Variants in DYNC1LI1 observed in about 807,000 individuals in gnomAD.
DYNC1LI1 encodes the protein cytoplasmic dynein 1 light intermediate chain 1.
Under a neutral mutation model 63.8 loss-of-function variants are expected in DYNC1LI1, and 19 were observed. The ratio of observed to expected loss-of-function variants is 0.30; its 90% CI spans 0.21 to 0.44. DYNC1LI1 has a LOEUF of 0.44. DYNC1LI1 is among the 20% of genes least tolerant of loss of function. DYNC1LI1 has a pLI of 1.00. For synonymous variants in DYNC1LI1, 225 were observed against 232.3 expected (o/e 0.97, Z 0.28); for missense variants, 565 against 630.2 (o/e 0.90, Z 1.11).
chr3:32,530,246 T>C lies in DYNC1LI1; in HGVS notation c.1185+38A>G, dbSNP rs769665852. On this transcript the variant is annotated intron_variant, in intron 10 of 12. Transcript: ENST00000273130. ...AAAAAATAACTAAAATAATATGTAC[T>C]GCATTTTAATCATTTTGTCAAAATT... 10 of 1,539,680 alleles carry C rather than the reference T, an allele frequency of 6.5e-6. No individual in the cohort carries two copies. In the East Asian group the frequency reaches 2.0e-4, roughly 31 times the overall value.
At position 32,526,559 on chromosome 3, in the gene DYNC1LI1, A is replaced by G; in HGVS notation, c.*240T>C. ...AGTTTTGAGATTTTCAAAATCAAAA[A>G]TTACTTTCTTATGCAAAATGGCAAT... On this transcript the variant is annotated 3_prime_UTR_variant, in exon 13 of 13. Coordinates refer to ENST00000273130, the MANE Select transcript of DYNC1LI1 (RefSeq NM_016141.4). The G allele has an allele frequency of 3.3e-6, 1 of 305,786 alleles. No homozygotes were observed. The highest frequency in any genetic ancestry group is 6.1e-6 in the Non-Finnish European group (1 of 164,864). 18.9% of individuals were successfully genotyped at this position (305,786 alleles called of 1,614,324 possible).
At chr3:32,566,974 T>C (rs1346257789) in intron 2 of DYNC1LI1, among the ~76,000 whole-genome samples, 1 of 152,232 alleles carries the variant, frequency 6.6e-6, no homozygotes, top group Non-Finnish European at 1.5e-5. Context: ...TGGATTTCAT[T>C]AGAAGTCAGG....
At chr3:32,538,505 C>T (rs1697831991) in intron 5 of DYNC1LI1, among the ~76,000 whole-genome samples, 1 of 151,882 alleles carries the variant, frequency 6.6e-6, no homozygotes, top group Admixed American at 6.6e-5. Flanking sequence ...TCGAGACCAT[C>T]CTGGCTAACA....
intron 8 of DYNC1LI1, chr3:32,531,355 C>G (rs1340659004): frequency 6.6e-6 from 1 of 152,584 alleles, no homozygotes; most frequent in African/African-American, 2.4e-5. Context: ...GTTCCCCCTG[C>G]CTTCAGCATT....
chr3:32,533,060 A>C lies in DYNC1LI1; in HGVS notation c.1006T>G (p.Leu336Val). 9 of 1,604,208 alleles carry C rather than the reference A, an allele frequency of 5.6e-6. No individual in the cohort carries two copies. Among genetic ancestry groups the C allele is most frequent in the Non-Finnish European group, 7.6e-6 (9 of 1,177,950 alleles). ...GWDNDKKIGI[L>V]HENFQTLKAE... ...TTTAATGTTTGAAAATTTTCATGTA[A>C]TATTCCTATTTTCTTATCATTATCC... The change falls in exon 8 of 13, where the codon TTA (leucine) becomes GTA (valine). Residue 336 changes from leucine (L) to valine (V), a missense_variant. Leu to Val is a conservative substitution (Grantham distance 32). Transcript: ENST00000273130.
chr3:32,535,453 A>G (rs1697761244), intron 6 of DYNC1LI1, among the ~76,000 whole-genome samples: 1 of 152,204 alleles, frequency 6.6e-6, no homozygotes, highest in Non-Finnish European at 1.5e-5. Flanking sequence ...AAATGCTGGG[A>G]GTACAGTCTA....
chr3:32,543,624 T>C (rs1413763262), intron 4 of DYNC1LI1, among the ~76,000 whole-genome samples: 3 of 149,244 alleles, frequency 2.0e-5, no homozygotes, highest in Non-Finnish European at 4.5e-5. Flanking sequence ...GCCAGGCTGG[T>C]CTTGAACTCC....
Position 32,534,552 on chromosome 3 carries a change from A to T in DYNC1LI1, c.927T>A (p.Tyr309Ter). The stretch of plus-strand genomic sequence containing the variant: ...TTTCCACAACAACAGCAGGAATCTT[A>T]TAGGGAAATCCATATAGTTTCTGAA... Reference protein sequence around the residue: ...YIVQKLYGFPYKIPAVVVEKD... With the variant: ...YIVQKLYGFP The change falls in exon 7 of 13, where the codon TAT (tyrosine) becomes TAA (stop). Residue 309 changes from tyrosine to a stop codon, truncating the protein, a stop_gained. Coordinates refer to ENST00000273130, the MANE Select transcript of DYNC1LI1 (RefSeq NM_016141.4). LOFTEE classifies it high-confidence loss of function. 6.3e-7 allele frequency: 1 copy of T among 1,599,218 alleles called. No individual in the cohort carries two copies. The highest frequency in any genetic ancestry group is 8.5e-7 in the Non-Finnish European group (1 of 1,170,184).
intron 2 of DYNC1LI1, among the ~76,000 whole-genome samples, chr3:32,554,335 A>G (rs1441863770): frequency 1.3e-5 from 2 of 152,252 alleles, no homozygotes. Flanking sequence ...ATAAAATTTG[A>G]AAAAGGAAAG....
chr3:32,545,142 G>C (rs745539248), intron 3 of DYNC1LI1, 36 bp from the exon 4 acceptor site: 2 of 1,402,992 alleles, frequency 1.4e-6, no homozygotes, highest in Non-Finnish European at 2.0e-6. Flanking sequence ...AAGGCAACAA[G>C]ATTAAGTCAT....
chr3:32,570,133 G>A, intron 2 of DYNC1LI1: 2 of 688,284 alleles, frequency 2.9e-6, no homozygotes, highest in South Asian at 3.1e-5. Context: ...GGGAGGAGGA[G>A]GAGGAACCTG....
chr3:32,542,670 G>A (rs952552873), intron 4 of DYNC1LI1, among the ~76,000 whole-genome samples: 1 of 152,146 alleles, frequency 6.6e-6, no homozygotes. Context: ...CTCCCCAAGT[G>A]TTGGGATTAC....
intron 2 of DYNC1LI1, among the ~76,000 whole-genome samples, chr3:32,548,523 T>C (rs902916744): frequency 6.6e-5 from 10 of 152,160 alleles, no homozygotes; most frequent in African/African-American, 2.2e-4. Context: ...CACTCATACA[T>C]GCAACCTTAA....
At chr3:32,567,763 G>A (rs970569912) in intron 2 of DYNC1LI1, among the ~76,000 whole-genome samples, 15 of 150,764 alleles carry the variant, frequency 9.9e-5, no homozygotes, top group African/African-American at 3.7e-4. Flanking sequence ...GAGTGCAGTG[G>A]CACGATCTTG....
intron 6 of DYNC1LI1, 77 bp from the exon 7 acceptor site, chr3:32,534,723 A>G (rs1213112951): frequency 8.2e-7 from 1 of 1,214,728 alleles, no homozygotes; most frequent in Admixed American, 2.7e-5. Flanking sequence ...TTTCAGCTTA[A>G]CTTTTATTTC....
rs1559436138 is a variant in DYNC1LI1, at chr3:32,537,927, A to ATATATATATAATT, written c.739-824_739-823insAATTATATATATA. Among the ~76,000 whole-genome samples the ATATATATATAATT allele has an allele frequency of 2.5e-3, 82 of 33,242 alleles. 8 individuals carry two copies. Among genetic ancestry groups the ATATATATATAATT allele is most frequent in the African/African-American group, 3.6e-3 (23 of 6,312 alleles). The allele number at this position is 33,242 out of a possible 152,430, so 21.8% of individuals were successfully genotyped here. On this transcript the variant is annotated intron_variant, in intron 5 of 12. Transcript: ENST00000273130. ...TATATATATATAATTTATATATATAATATATATATAATATATATATAATTT... is the reference window on the plus strand; with the variant it reads ...TATATATATATAATTTATATATATAATATATATATAATTTATATATATAATATATATATAATTT...
At position 32,544,777 on chromosome 3, in the gene DYNC1LI1, CTTCATTAAACCTTTT is replaced by C. The variant is rs1481495790; in HGVS notation, c.568+84_568+98del. 145 of 790,372 alleles carry C rather than the reference CTTCATTAAACCTTTT, an allele frequency of 1.8e-4. No individual in the cohort carries two copies. The South Asian group carries it at 2.3e-3, about 12-fold the overall frequency. 49.0% of individuals were successfully genotyped at this position (790,372 alleles called of 1,614,324 possible). A position where few individuals can be genotyped will look rare whatever the true frequency, so the allele number is the denominator to read the frequency against. ...AAAAAAAGTACTTACAATATGCTTA[CTTCATTAAACCTTTT>C]TTATAGTCAAAAATTCCTAATGATT... On this transcript the variant is annotated intron_variant, in intron 4 of 12. Transcript: ENST00000273130.
At chr3:32,548,490 G>T (rs185293839) in intron 2 of DYNC1LI1, among the ~76,000 whole-genome samples, 2 of 152,138 alleles carry the variant, frequency 1.3e-5, no homozygotes, top group Non-Finnish European at 2.9e-5. Context: ...GCCAGGCACC[G>T]AAAAGCAAAT....
rs1175623957 is a variant in DYNC1LI1, at chr3:32,559,782, T to C, written c.220+10564A>G. Among the ~76,000 whole-genome samples, 6 of 152,340 alleles carry C rather than the reference T, an allele frequency of 3.9e-5. No individual in the cohort carries two copies. The East Asian group carries it at 9.6e-4, about 24-fold the overall frequency. On this transcript the variant is annotated intron_variant, in intron 2 of 12. Transcript: ENST00000273130. ...TTATCCAATTGAGATATCAACATTG[T>C]AAAGCTGACATTTTTGATTTGGACT...
Sources: gnomAD v4.1 joint callset for allele counts (sites outside exome capture counted in the v4.1 genomes callset) on GRCh38, gnomAD v4.1.1 for gene constraint, MANE v1.5 for transcripts, NCBI Gene and HGNC (gene_info 2026-07-23, HGNC 2026-07-21) for gene names.